The following MYO3A variants were observed in gnomAD, a reference collection of about 807,000 sequenced individuals.
The protein encoded by MYO3A is myosin-IIIa.
A neutral mutation model predicts 192.7 loss-of-function variants in MYO3A; 180 were observed. The observed-to-expected ratio is 0.93, with a 90% CI of 0.83 to 1.06. The LOEUF (loss-of-function observed/expected upper bound fraction) is 1.06, where lower values mean the gene tolerates loss of function less well. Ranked by LOEUF, MYO3A falls within the 50% of genes least tolerant of loss-of-function variation. The pLI, the probability that MYO3A is intolerant of heterozygous loss-of-function variation, is 0.00. For missense variants in MYO3A, 1,896 were observed against 1,905.0 expected (o/e 1.00, Z 0.09); for synonymous variants, 628 against 645.3 (o/e 0.97, Z 0.41).
chr10:25,961,542 G>T (rs1382590378), intron 4 of MYO3A, among the ~76,000 whole-genome samples: 1 of 151,922 alleles, frequency 6.6e-6, no homozygotes. Flanking sequence ...GGAGATATTG[G>T]AAATATCTCT....
At chr10:25,984,018 A>G (rs1377145725) in intron 4 of MYO3A, among the ~76,000 whole-genome samples, 1 of 152,238 alleles carries the variant, frequency 6.6e-6, no homozygotes, top group Admixed American at 6.5e-5. Context: ...ACTAAGCTTC[A>G]TAAATGAAGG....
At chr10:26,074,131 A>G (rs566941377) in intron 14 of MYO3A, among the ~76,000 whole-genome samples, 1 of 152,314 alleles carries the variant, frequency 6.6e-6, no homozygotes, top group South Asian at 2.1e-4. Flanking sequence ...AATTTTTATT[A>G]TGATCTATAT....
Position 26,193,319 on chromosome 10 carries a change from G to T in MYO3A, c.4545+8G>T, listed in dbSNP as rs745816212. ...TACTATTATCTACTTCATGTAAGTG[G>T]CTCACTCTTACTATCAGATGGGAGC... On this transcript the variant is annotated splice_region_variant and intron_variant, in intron 32 of 34. Coordinates refer to ENST00000642920, the MANE Select transcript of MYO3A (RefSeq NM_017433.5). The T allele has an allele frequency of 6.9e-6, 11 of 1,595,602 alleles. No homozygotes were observed. Among genetic ancestry groups the T allele is most frequent in the Middle Eastern group, 1.7e-4 (1 of 6,042 alleles).
At chr10:26,026,063 G>C (rs1842524480) in intron 9 of MYO3A, among the ~76,000 whole-genome samples, 1 of 152,164 alleles carries the variant, frequency 6.6e-6, no homozygotes, top group African/African-American at 2.4e-5. Context: ...AGGAGACTTT[G>C]CAGTGGAGAC....
At chr10:26,090,149 G>T (rs1836609666) in intron 15 of MYO3A, among the ~76,000 whole-genome samples, 3 of 152,156 alleles carry the variant, frequency 2.0e-5, no homozygotes, top group Admixed American at 2.0e-4. Context: ...TCTCCTTCAG[G>T]CCCTTCAGGA....
chr10:26,082,753 T>TC (rs1372697388), intron 14 of MYO3A, among the ~76,000 whole-genome samples: 2 of 118,222 alleles, frequency 1.7e-5, no homozygotes, highest in Non-Finnish European at 4.0e-5. Context: ...TCTCTCTCTC[T>TC]TTTTCTCTCT....
intron 20 of MYO3A, among the ~76,000 whole-genome samples, chr10:26,128,892 A>T (rs1171342303): frequency 6.6e-6 from 1 of 152,208 alleles, no homozygotes; most frequent in African/African-American, 2.4e-5. Context: ...ATTCCTTTTG[A>T]AATTTCAATA....
At chr10:25,977,639 AAATG>A (rs1299335749) in intron 4 of MYO3A, among the ~76,000 whole-genome samples, 3 of 152,192 alleles carry the variant, frequency 2.0e-5, no homozygotes, top group Non-Finnish European at 2.9e-5. Flanking sequence ...AACTTAAATA[AAATG>A]AATGAATGAA....
Position 26,173,847 on chromosome 10 carries a change from G to A in MYO3A, c.3583G>A (p.Val1195Met), listed in dbSNP as rs867585243. 9 of 1,613,908 alleles carry A rather than the reference G, an allele frequency of 5.6e-6. No individual in the cohort carries two copies. Among genetic ancestry groups the A allele is most frequent in the Middle Eastern group, 3.3e-4 (2 of 6,084 alleles). ...VYQTPKKMNN[V>M]YEEEVKQEFY... ...TCAGACTCCAAAAAAAATGAATAAT[G>A]TGTATGAGGAAGAGGTTAAGCAAGA... The change falls in exon 30 of 35, where the codon GTG becomes ATG. Residue 1195 changes from valine (V) to methionine (M), a missense_variant. By Grantham distance (21) the Val-to-Met change is conservative. Coordinates refer to ENST00000642920, the MANE Select transcript of MYO3A (RefSeq NM_017433.5).
At chr10:26,024,210 C>G (rs1408263881) in intron 9 of MYO3A, 123 bp downstream of exon 9, 1 of 928,678 alleles carries the variant, frequency 1.1e-6, no homozygotes, top group East Asian at 2.7e-5. Context: ...TCAAAGGAAG[C>G]ATCTATAGTG....
chr10:25,961,855 C>T (rs1276513912), intron 4 of MYO3A, among the ~76,000 whole-genome samples: 1 of 152,116 alleles, frequency 6.6e-6, no homozygotes, highest in Non-Finnish European at 1.5e-5. Flanking sequence ...GCTAATTATA[C>T]CTTTCATTGT....
At chr10:26,130,985 G>A (rs1390859245) in intron 20 of MYO3A, among the ~76,000 whole-genome samples, 2 of 152,198 alleles carry the variant, frequency 1.3e-5, no homozygotes, top group Admixed American at 6.5e-5. Flanking sequence ...TGACCTAACT[G>A]AGAGCTCCTT....
intron 25 of MYO3A, among the ~76,000 whole-genome samples, chr10:26,155,433 T>C (rs1841059480): frequency 6.6e-6 from 1 of 152,206 alleles, no homozygotes. Context: ...CTCCCATTAT[T>C]GGTTCCAGTT....
chr10:26,164,826 G>A (rs1841657335), intron 26 of MYO3A, among the ~76,000 whole-genome samples: 1 of 152,202 alleles, frequency 6.6e-6, no homozygotes, highest in Non-Finnish European at 1.5e-5. Context: ...GCGATGAACT[G>A]TGAGACCCTG....
chr10:26,021,285 T>C (rs926114398), intron 7 of MYO3A, among the ~76,000 whole-genome samples: 4 of 152,198 alleles, frequency 2.6e-5, no homozygotes, highest in Admixed American at 6.5e-5. Context: ...TCTTCCCTTA[T>C]ATTTTAAACC....
intron 32 of MYO3A, among the ~76,000 whole-genome samples, chr10:26,197,903 G>C (rs1281580408): frequency 6.6e-5 from 10 of 152,102 alleles, no homozygotes; most frequent in Non-Finnish European, 1.2e-4. Context: ...TTGTCTACTT[G>C]TCTCCTGTGT....
At chr10:25,944,617 C>T (rs1344688933) in intron 2 of MYO3A, among the ~76,000 whole-genome samples, 1 of 151,894 alleles carries the variant, frequency 6.6e-6, no homozygotes, top group Non-Finnish European at 1.5e-5. Context: ...TCTACTTCAT[C>T]ATGATTCAGT....
chr10:26,026,315 T>C (rs1842539605), intron 9 of MYO3A, 62 bp from the exon 10 acceptor site: 1 of 1,578,026 alleles, frequency 6.3e-7, no homozygotes, highest in Non-Finnish European at 8.7e-7. Context: ...TTTAGGAATA[T>C]GAATAATAGT....
chr10:26,081,133 T>TCCCCCTCCCC (rs1835905112), intron 14 of MYO3A, among the ~76,000 whole-genome samples: 1 of 84,940 alleles, frequency 1.2e-5, no homozygotes, highest in Non-Finnish European at 2.5e-5. Context: ...TATATGCCCT[T>TCCCCCTCCCC]CCCCCCCCCC....
Sources: gnomAD v4.1 joint callset for allele counts (sites outside exome capture counted in the v4.1 genomes callset) on GRCh38, gnomAD v4.1.1 for gene constraint, MANE v1.5 for transcripts, NCBI Gene and HGNC (gene_info 2026-07-23, HGNC 2026-07-21) for gene names.